Variants in C10orf90 observed in about 807,000 individuals in gnomAD.
The protein encoded by C10orf90 is (E2-independent) E3 ubiquitin-conjugating enzyme FATS.
In C10orf90, 56 loss-of-function variants were observed where a neutral mutation model predicts 62.5. That is an observed-to-expected ratio of 0.90 (90% CI 0.72 to 1.12). C10orf90 has a LOEUF of 1.12. Ranked by LOEUF, C10orf90 falls within the 50% of genes most tolerant of loss-of-function variation. The probability of loss-of-function intolerance (pLI) is 0.00; values close to 1 mark genes in which losing one functional copy is unlikely to be tolerated. For synonymous variants in C10orf90, 386 were observed against 340.4 expected, an observed-to-expected ratio of 1.13 and a Z score of -1.47; for missense variants, 970 against 880.4, an observed-to-expected ratio of 1.10 and a Z score of -1.29.
chr10:126,665,739 C>T (rs1361478010), intron 1 of C10orf90, among the ~76,000 whole-genome samples: 1 of 152,174 alleles, frequency 6.6e-6, no homozygotes, highest in Non-Finnish European at 1.5e-5. Flanking sequence ...AGGGGAAACT[C>T]AGCTGAGCCT....
intron 4 of C10orf90, among the ~76,000 whole-genome samples, chr10:126,468,699 G>A (rs1860417308): frequency 6.6e-6 from 1 of 152,180 alleles, no homozygotes; most frequent in South Asian, 2.1e-4. Flanking sequence ...TGAAATGTGA[G>A]CCCTGTGGAA....
intron 4 of C10orf90, among the ~76,000 whole-genome samples, chr10:126,472,410 T>C (rs1036430665): frequency 1.3e-5 from 2 of 152,214 alleles, no homozygotes; most frequent in African/African-American, 4.8e-5. Flanking sequence ...GCTTTTTCCT[T>C]CATTTCTTTC....
At chr10:126,482,732 C>T (rs1257077324) in intron 4 of C10orf90, among the ~76,000 whole-genome samples, 2 of 152,192 alleles carry the variant, frequency 1.3e-5, no homozygotes, top group Admixed American at 6.5e-5. Context: ...AAGGAAGCAG[C>T]AGATCAGCTT....
At chr10:126,455,687 A>T (rs939635552) in intron 7 of C10orf90, among the ~76,000 whole-genome samples, 3 of 152,246 alleles carry the variant, frequency 2.0e-5, no homozygotes, top group African/African-American at 7.2e-5. Flanking sequence ...GATAGTCAAG[A>T]CAGGTACAGA....
chr10:126,633,428 T>C (rs1378421491), intron 2 of C10orf90, among the ~76,000 whole-genome samples: 1 of 152,218 alleles, frequency 6.6e-6, no homozygotes, highest in East Asian at 1.9e-4. Context: ...GATGGCCTGA[T>C]GAACATGGCC....
In C10orf90 at chr10:126,607,557, T is replaced by C. The variant is rs141638515; in HGVS notation, c.313+39008A>G. ...TTTAAATTAGAATTTTGAGAACTTCTGCGTGCCTCCTTTATCCTGACAGAT... is the reference window on the plus strand; with the variant it reads ...TTTAAATTAGAATTTTGAGAACTTCCGCGTGCCTCCTTTATCCTGACAGAT... On this transcript the variant is annotated intron_variant, in intron 2 of 9. Transcript: ENST00000488181. Among the ~76,000 whole-genome samples, 694 of 152,366 alleles carry C rather than the reference T, an allele frequency of 4.6e-3. 4 individuals carry two copies. The highest frequency in any genetic ancestry group is 0.014 in the African/African-American group (602 of 41,586).
At chr10:126,485,194 T>C (rs1861364917) in intron 4 of C10orf90, among the ~76,000 whole-genome samples, 1 of 152,140 alleles carries the variant, frequency 6.6e-6, no homozygotes. Flanking sequence ...TTCTACAATG[T>C]GAGGACACGA....
intron 2 of C10orf90, among the ~76,000 whole-genome samples, chr10:126,590,407 G>A (rs1321672885): frequency 6.6e-6 from 1 of 152,106 alleles, no homozygotes. Flanking sequence ...TCACTGCATG[G>A]CACTTACTCT....
chr10:126,518,875 C>T (rs571641786), intron 2 of C10orf90, among the ~76,000 whole-genome samples: 1 of 152,246 alleles, frequency 6.6e-6, no homozygotes, highest in South Asian at 2.1e-4. Context: ...GAGTCAAGTA[C>T]TTCCAGAATC....
intron 4 of C10orf90, among the ~76,000 whole-genome samples, chr10:126,503,632 C>A (rs554938004): frequency 6.6e-6 from 1 of 152,278 alleles, no homozygotes; most frequent in African/African-American, 2.4e-5. Context: ...TCTTCTCACC[C>A]TCTTTTGGAA....
At chr10:126,482,272 T>C (rs931288119) in intron 4 of C10orf90, among the ~76,000 whole-genome samples, 4 of 152,232 alleles carry the variant, frequency 2.6e-5, no homozygotes, top group African/African-American at 9.6e-5. Context: ...GGATCACTCC[T>C]TTTCTGCCCC....
chr10:126,571,499 A>G (rs140979592), intron 2 of C10orf90, among the ~76,000 whole-genome samples: 2,404 of 152,302 alleles, frequency 0.016, 57 homozygotes, highest in African/African-American at 0.054. Context: ...GCCTCCAGGC[A>G]TACCTGCACC....
At position 126,504,466 on chromosome 10, in the gene C10orf90, G is replaced by C; in HGVS notation, c.1025C>G (p.Pro342Arg). The change falls in exon 4 of 10, where the codon CCG (proline) becomes CGG (arginine). Residue 342 changes from proline to arginine, a missense_variant. Coordinates refer to ENST00000488181, the MANE Select transcript of C10orf90 (RefSeq NM_001350921.2). The surrounding 1 kb of genome is among the most constrained non-coding windows in gnomAD (Gnocchi z 4.1). ...GTGGACACAGGAACTGAACACCAGC[G>C]GGCTCTTTCCTGACAGTGGGGTGTC... ...SPDTPLSGKS[P>R]LVFSSCVHLR... is the part of the protein sequence containing the mutation. The C allele has an allele frequency of 1.2e-6, 2 of 1,614,182 alleles. No individual in the cohort carries two copies. The highest frequency in any genetic ancestry group is 1.7e-6 in the Non-Finnish European group (2 of 1,180,034).
At chr10:126,558,568 G>C (rs1276932316) in intron 2 of C10orf90, among the ~76,000 whole-genome samples, 3 of 152,170 alleles carry the variant, frequency 2.0e-5, no homozygotes, top group Non-Finnish European at 2.9e-5. Flanking sequence ...TTAGCCACGG[G>C]TCCTTCAAGA....
intron 7 of C10orf90, among the ~76,000 whole-genome samples, chr10:126,430,111 C>T (rs1857487124): frequency 6.6e-6 from 1 of 152,178 alleles, no homozygotes; most frequent in Non-Finnish European, 1.5e-5. Context: ...AGAGCAACAC[C>T]TTTGAATGCT....
chr10:126,589,965 A>T (rs561403453), intron 2 of C10orf90, among the ~76,000 whole-genome samples: 103 of 152,330 alleles, frequency 6.8e-4, no homozygotes, highest in African/African-American at 2.1e-3. Flanking sequence ...ACTTGCAAAA[A>T]CACACACAGG....
chr10:126,545,861 C>G (rs533974904), intron 2 of C10orf90, among the ~76,000 whole-genome samples: 1 of 152,206 alleles, frequency 6.6e-6, no homozygotes, highest in South Asian at 2.1e-4. Flanking sequence ...TTTCTTATTT[C>G]TTCAACTAAA....
chr10:126,500,578 G>A (rs1337083967), intron 4 of C10orf90, among the ~76,000 whole-genome samples: 1 of 152,054 alleles, frequency 6.6e-6, no homozygotes, highest in African/African-American at 2.4e-5. Context: ...TGATAGATTC[G>A]AAGATTTGCC....
intron 4 of C10orf90, among the ~76,000 whole-genome samples, chr10:126,474,824 G>C (rs146800970): frequency 6.6e-4 from 100 of 152,310 alleles, no homozygotes; most frequent in Admixed American, 1.6e-3. Flanking sequence ...TCCCCTGTGA[G>C]GATTCCACTC....
Sources: allele counts gnomAD v4.1 joint callset (sites outside exome capture counted in the v4.1 genomes callset), GRCh38; gene constraint gnomAD v4.1.1; non-coding constraint Gnocchi (gnomAD v3.1); transcripts MANE v1.5; gene names NCBI Gene and HGNC (gene_info 2026-07-23, HGNC 2026-07-21).